PCDHGA6: variants seen among roughly 807,000 people sequenced by gnomAD.
The protein encoded by PCDHGA6 is protocadherin gamma-A6.
A neutral mutation model predicts 60.6 loss-of-function variants in PCDHGA6; 41 were observed. The ratio of observed to expected loss-of-function variants is 0.68; its 90% CI spans 0.53 to 0.88. The LOEUF (loss-of-function observed/expected upper bound fraction) is 0.88. PCDHGA6 is among the 40% of genes least tolerant of loss of function. PCDHGA6 has a pLI of 0.00. For missense variants in PCDHGA6, 1,312 were observed against 1,203.0 expected (o/e 1.09, Z -1.34); for synonymous variants, 594 against 524.4 (o/e 1.13, Z -1.81).
intron 1 of PCDHGA6, among the ~76,000 whole-genome samples, chr5:141,452,579 A>G (rs1320327475): frequency 6.6e-6 from 1 of 151,944 alleles, no homozygotes; most frequent in Non-Finnish European, 1.5e-5. Context: ...CCCCCTTTCC[A>G]TCTTTGTATT....
chr5:141,493,340 T>C lies in PCDHGA6; in HGVS notation c.2425-1467T>C, dbSNP rs889623993. Among the ~76,000 whole-genome samples, 1 of 152,202 alleles carries C rather than the reference T, an allele frequency of 6.6e-6. No homozygotes were observed. Among genetic ancestry groups the C allele is most frequent in the Admixed American group, 6.5e-5 (1 of 15,288 alleles). Reference sequence around the variant, plus strand: ...TTCTAACCCCTGTCTAACTCCAGAATGTGTGCTTTTAATTTCTTGGCACTT... The same window carrying C: ...TTCTAACCCCTGTCTAACTCCAGAACGTGTGCTTTTAATTTCTTGGCACTT... On this transcript the variant is annotated intron_variant, in intron 1 of 3. Coordinates refer to ENST00000517434, the MANE Select transcript of PCDHGA6 (RefSeq NM_018919.3). The surrounding 1 kb of genome is among the most constrained non-coding windows in gnomAD (Gnocchi z 4.3).
intron 1 of PCDHGA6, chr5:141,410,797 C>T: frequency 3.0e-6 from 2 of 675,992 alleles, no homozygotes; most frequent in South Asian, 3.2e-5. Flanking sequence ...TCATAAGTTG[C>T]TCTATCTTTT....
Position 141,374,248 on chromosome 5 carries a change from G to A in PCDHGA6, c.165G>A (p.Glu55=), listed in dbSNP as rs1259243407. The stretch of plus-strand genomic sequence containing the variant: ...ACATCGTCAAGGATCTGGGACTGGA[G>A]CCCCAGGAGTTGGCGGAGCACGGAG... ...VGNIVKDLGL[E]PQELAEHGVR... The change falls in exon 1 of 4, where the codon GAG becomes GAA. Residue 55 remains glutamate, a synonymous_variant. Coordinates refer to ENST00000517434, the MANE Select transcript of PCDHGA6 (RefSeq NM_018919.3). 1.9e-6 allele frequency: 3 copies of A among 1,613,890 alleles called. No individual in the cohort carries two copies.
chr5:141,478,987 G>T (rs1007857792), intron 1 of PCDHGA6, among the ~76,000 whole-genome samples: 8 of 152,144 alleles, frequency 5.3e-5, no homozygotes, highest in African/African-American at 1.4e-4. Flanking sequence ...TGTGACATTT[G>T]TATTAAAACT....
chr5:141,490,045 C>T lies in PCDHGA6; in HGVS notation c.2425-4762C>T, dbSNP rs530803072. On this transcript the variant is annotated intron_variant, in intron 1 of 3. Transcript: ENST00000517434. The surrounding 1 kb of genome is among the most constrained non-coding windows in gnomAD (Gnocchi z 5.4). ...GCTGCTCCGCCTCAATGCCACTGAT[C>T]CAGACGAGGGCACCAACGGCCAACT... 1.2e-5 allele frequency: 19 copies of T among 1,614,114 alleles called. No individual in the cohort carries two copies. Among genetic ancestry groups the T allele is most frequent in the Admixed American group, 1.2e-4 (7 of 60,014 alleles).
chr5:141,487,884 A>G lies in PCDHGA6; in HGVS notation c.2425-6923A>G. 1.3e-6 allele frequency: 1 copy of G among 766,716 alleles called. No homozygotes were observed. Among genetic ancestry groups the G allele is most frequent in the Non-Finnish European group, 2.1e-6 (1 of 481,170 alleles). 47.5% of individuals were successfully genotyped at this position (766,716 alleles called of 1,614,324 possible). On this transcript the variant is annotated intron_variant, in intron 1 of 3. Transcript: ENST00000517434. The surrounding 1 kb of genome is among the most constrained non-coding windows in gnomAD (Gnocchi z 5.0). ...GTGATCAAGAGCCAGGCTGTTGTGG[A>G]AGCATGATGATGGAATGTGGGAGCA...
Position 141,511,429 on chromosome 5 carries a change from G to A in PCDHGA6, c.*256G>A, listed in dbSNP as rs1414641314. 1.3e-6 allele frequency: 1 copy of A among 769,620 alleles called. No individual in the cohort carries two copies. The highest frequency in any genetic ancestry group is 2.0e-6 in the Non-Finnish European group (1 of 505,154). The allele number at this position is 769,620 out of a possible 1,614,324, so 47.7% of individuals were successfully genotyped here. On this transcript the variant is annotated 3_prime_UTR_variant, in exon 4 of 4. Transcript: ENST00000517434. The stretch of plus-strand genomic sequence containing the variant: ...CTGCTGTACCCATGGGGGTAGTGGG[G>A]TTACTGTAGACACCAAGAACCATTT...
Position 141,485,392 on chromosome 5 carries a change from A to G in PCDHGA6, c.2425-9415A>G. ...AGGTCGCTGGAGAGGTGAACCAAAG[A>G]CACTTCCGTGTGGATTTGGACAGCG... On this transcript the variant is annotated intron_variant, in intron 1 of 3. Coordinates refer to ENST00000517434, the MANE Select transcript of PCDHGA6 (RefSeq NM_018919.3). This position sits in a 1 kb window ranked among gnomAD's most constrained non-coding sequence, Gnocchi z 5.7. 1 of 1,613,918 alleles carries G rather than the reference A, an allele frequency of 6.2e-7. No homozygotes were observed. The highest frequency in any genetic ancestry group is 8.5e-7 in the Non-Finnish European group (1 of 1,179,938).
In PCDHGA6 at chr5:141,432,961, A is replaced by T. The variant is rs1457416543; in HGVS notation, c.2424+56454A>T. The T allele has an allele frequency of 1.5e-5, 25 of 1,613,952 alleles. 1 individual carries two copies. The South Asian group carries it at 2.3e-4, about 15-fold the overall frequency. ...AGGCTTCAGGAGGCGGCTTGACAGG[A>T]GCGCCGGCGTCGCACTTTGTGGGCG... On this transcript the variant is annotated intron_variant, in intron 1 of 3. Coordinates refer to ENST00000517434, the MANE Select transcript of PCDHGA6 (RefSeq NM_018919.3). This position sits in a 1 kb window ranked among gnomAD's most constrained non-coding sequence, Gnocchi z 6.0.
chr5:141,485,408 T>C lies in PCDHGA6; in HGVS notation c.2425-9399T>C. On this transcript the variant is annotated intron_variant, in intron 1 of 3. Transcript: ENST00000517434. The surrounding 1 kb of genome is among the most constrained non-coding windows in gnomAD (Gnocchi z 5.7). ...GAACCAAAGACACTTCCGTGTGGAT[T>C]TGGACAGCGGAGCCCTGCTCATCAA... 1 of 1,614,112 alleles carries C rather than the reference T, an allele frequency of 6.2e-7. No individual in the cohort carries two copies. Among genetic ancestry groups the C allele is most frequent in the Non-Finnish European group, 8.5e-7 (1 of 1,180,034 alleles).
At chr5:141,383,538 A>G in intron 1 of PCDHGA6, 1 of 1,612,704 alleles carries the variant, frequency 6.2e-7, no homozygotes, top group African/African-American at 1.3e-5. Context: ...TGGTCCTCAC[A>G]GCCTCTGATG....
chr5:141,444,152 A>AT (rs747671382), intron 1 of PCDHGA6, among the ~76,000 whole-genome samples: 1,130 of 33,890 alleles, frequency 0.033, 460 homozygotes, highest in Non-Finnish European at 0.038. Flanking sequence ...TGTGTACTGG[A>AT]TTTTTTTTTT....
chr5:141,417,839 C>A, intron 1 of PCDHGA6: 1 of 1,534,218 alleles, frequency 6.5e-7, no homozygotes, highest in South Asian at 1.2e-5. Flanking sequence ...AGCGGGGACC[C>A]AGCGAGAACC....
At chr5:141,393,326 G>C (rs2092729554) in intron 1 of PCDHGA6, 2 of 1,611,218 alleles carry the variant, frequency 1.2e-6, no homozygotes, top group Non-Finnish European at 1.7e-6. Context: ...AGAGCTACCA[G>C]CTCAGCCCCA....
At chr5:141,469,548 C>A (rs2099204726) in intron 1 of PCDHGA6, among the ~76,000 whole-genome samples, 1 of 152,212 alleles carries the variant, frequency 6.6e-6, no homozygotes, top group East Asian at 1.9e-4. Context: ...GCACTCCAGC[C>A]TGGCGACAGA....
chr5:141,417,892 C>G lies in PCDHGA6; in HGVS notation c.2424+41385C>G, dbSNP rs550343206. On this transcript the variant is annotated intron_variant, in intron 1 of 3. Coordinates refer to ENST00000517434, the MANE Select transcript of PCDHGA6 (RefSeq NM_018919.3). Reference sequence around the variant, plus strand: ...GGAGCTGCGCGCAGAGGCGCCGGGCCGGCCCGCGGCAGGTACTATTTCCTT... The same window carrying G: ...GGAGCTGCGCGCAGAGGCGCCGGGCGGGCCCGCGGCAGGTACTATTTCCTT... 2.2e-4 allele frequency: 348 copies of G among 1,570,774 alleles called. 2 individuals carry two copies. The South Asian group carries it at 3.7e-3, about 17-fold the overall frequency.
intron 3 of PCDHGA6, chr5:141,507,418 A>T (rs2099860509): frequency 6.6e-6 from 1 of 152,204 alleles, no homozygotes; most frequent in Non-Finnish European, 1.5e-5. Context: ...CTGTGAGGTT[A>T]AGTGGGGCCA....
rs2099068970 is a variant in PCDHGA6 at position 141,463,759 on chromosome 5, T to C, written c.2425-31048T>C. 2.0e-5 allele frequency among the ~76,000 whole-genome samples: 3 copies of C among 152,234 alleles called. No homozygotes were observed. The South Asian group carries it at 6.2e-4, about 32-fold the overall frequency. ...CCGCGCCCGGCCTGCTTCTCTTCTCTTATGGGTTAGAATCCTGCACTGTCT... is the reference window on the plus strand; with the variant it reads ...CCGCGCCCGGCCTGCTTCTCTTCTCCTATGGGTTAGAATCCTGCACTGTCT... On this transcript the variant is annotated intron_variant, in intron 1 of 3. Transcript: ENST00000517434.
rs148119281 is a variant in PCDHGA6, at chr5:141,511,006, C to T, written c.2632C>T (p.Arg878Cys). The T allele has an allele frequency of 3.5e-5, 56 of 1,614,078 alleles. No individual in the cohort carries two copies. Among genetic ancestry groups the T allele is most frequent in the African/African-American group, 5.3e-5 (4 of 74,922 alleles). The change falls in exon 4 of 4, where the codon CGC (arginine) becomes TGC (cysteine). Residue 878 changes from arginine to cysteine, a missense_variant. By Grantham distance (180) the Arg-to-Cys change is radical. Transcript: ENST00000517434. Reference protein sequence around the residue: ...GGAGTMGLSARYGPQFTLQHV... With the variant: ...GGAGTMGLSACYGPQFTLQHV... ...TGCCGGCACCATGGGATTGAGCGCC[C>T]GCTACGGACCCCAGTTCACCCTGCA...
Sources: allele counts gnomAD v4.1 joint callset (sites outside exome capture counted in the v4.1 genomes callset), GRCh38; gene constraint gnomAD v4.1.1; non-coding constraint Gnocchi (gnomAD v3.1); transcripts MANE v1.5; gene names NCBI Gene and HGNC (gene_info 2026-07-23, HGNC 2026-07-21).